Variants in NRP2 observed in about 807,000 individuals in gnomAD.
NRP2 encodes the protein neuropilin 2.
In NRP2, 52 loss-of-function variants were observed where a neutral mutation model predicts 110.4. The ratio of observed to expected loss-of-function variants is 0.47; its 90% CI spans 0.38 to 0.59. NRP2 has a LOEUF of 0.59. Ranked by LOEUF, NRP2 falls within the 20% of genes least tolerant of loss-of-function variation. The pLI is 0.00. For missense variants in NRP2, 1,049 were observed against 1,203.0 expected (o/e 0.87, Z 1.89); for synonymous variants, 508 against 468.9 (o/e 1.08, Z -1.08).
intron 15 of NRP2, chr2:205,776,708 T>C: frequency 6.7e-7 from 1 of 1,490,172 alleles, no homozygotes; most frequent in Non-Finnish European, 8.9e-7. Flanking sequence ...TTTTGGTTTC[T>C]GGTTTTTCTT....
intron 2 of NRP2, among the ~76,000 whole-genome samples, chr2:205,714,491 G>A (rs1287056279): frequency 6.6e-6 from 1 of 152,232 alleles, no homozygotes; most frequent in Non-Finnish European, 1.5e-5. Flanking sequence ...AAAATAGCAC[G>A]GAGGGGTTTT....
chr2:205,746,250 G>A (rs2057537223), intron 10 of NRP2, among the ~76,000 whole-genome samples: 1 of 152,208 alleles, frequency 6.6e-6, no homozygotes, highest in African/African-American at 2.4e-5. Flanking sequence ...TGATAATAAA[G>A]TAATCGGTTT....
chr2:205,710,817 G>A (rs890580664), intron 2 of NRP2, among the ~76,000 whole-genome samples: 2 of 152,186 alleles, frequency 1.3e-5, no homozygotes, highest in African/African-American at 4.8e-5. Flanking sequence ...GAGCCTCCTG[G>A]AAGAAAGGCA....
At chr2:205,770,953 CT>C (rs1250351529) in intron 15 of NRP2, among the ~76,000 whole-genome samples, 2 of 152,218 alleles carry the variant, frequency 1.3e-5, no homozygotes, top group African/African-American at 4.8e-5. Context: ...GACACGTCCC[CT>C]CTCCATCAGT....
chr2:205,753,639 G>A (rs981879924), intron 12 of NRP2, among the ~76,000 whole-genome samples: 9 of 152,220 alleles, frequency 5.9e-5, no homozygotes, highest in African/African-American at 1.4e-4. Flanking sequence ...TAAACAGGTA[G>A]CAAGAGTTGT....
intron 5 of NRP2, 80 bp downstream of exon 5, chr2:205,724,020 C>A (rs1016053269): frequency 6.6e-7 from 1 of 1,510,432 alleles, no homozygotes; most frequent in African/African-American, 1.4e-5. Context: ...GGGCTGAGCT[C>A]TTATGAGGGA....
At chr2:205,737,772 A>G (rs1287810879) in intron 7 of NRP2, among the ~76,000 whole-genome samples, 1 of 152,206 alleles carries the variant, frequency 6.6e-6, no homozygotes, top group African/African-American at 2.4e-5. Context: ...CTGAAGTTCA[A>G]TTGAAGCAGT....
At chr2:205,788,156 C>G (rs1049203213) in intron 15 of NRP2, among the ~76,000 whole-genome samples, 1 of 152,058 alleles carries the variant, frequency 6.6e-6, no homozygotes, top group Non-Finnish European at 1.5e-5. Context: ...CATGCCTCAC[C>G]GTGTACCTAC....
chr2:205,767,008 T>C, intron 15 of NRP2: 1 of 615,762 alleles, frequency 1.6e-6, no homozygotes, highest in South Asian at 2.0e-5. Flanking sequence ...GTCTCTTGTT[T>C]AATTAAAGTT....
intron 15 of NRP2, among the ~76,000 whole-genome samples, chr2:205,772,327 C>T (rs553752490): frequency 5.1e-4 from 78 of 152,338 alleles, no homozygotes; most frequent in African/African-American, 1.4e-3. Flanking sequence ...CGGAACACTA[C>T]CTCATGTGTA....
intron 7 of NRP2, among the ~76,000 whole-genome samples, chr2:205,733,633 C>T (rs1559334940): frequency 6.6e-6 from 1 of 152,114 alleles, no homozygotes. Context: ...AAAACCCAAA[C>T]ATCTGTGTTA....
chr2:205,744,320 G>A (rs1471386872), intron 9 of NRP2, among the ~76,000 whole-genome samples: 1 of 152,206 alleles, frequency 6.6e-6, no homozygotes, highest in South Asian at 2.1e-4. Context: ...GGTTTTTGGA[G>A]GCCAAGCTAT....
chr2:205,785,834 T>TAA (rs1274533877), intron 15 of NRP2, among the ~76,000 whole-genome samples: 4 of 152,230 alleles, frequency 2.6e-5, no homozygotes, highest in Non-Finnish European at 4.4e-5. Flanking sequence ...GTTATTCAAC[T>TAA]AAAAATAATA....
chr2:205,718,276 C>A (rs958145588), intron 3 of NRP2, among the ~76,000 whole-genome samples: 1 of 152,220 alleles, frequency 6.6e-6, no homozygotes, highest in African/African-American at 2.4e-5. Flanking sequence ...AGTCAATGTT[C>A]ACTCTATCCA....
chr2:205,744,853 T>C (rs144416356), intron 9 of NRP2, among the ~76,000 whole-genome samples: 380 of 152,312 alleles, frequency 2.5e-3, no homozygotes, highest in Middle Eastern at 0.014. Flanking sequence ...GGAGCAGAAG[T>C]TGGACCGCAG....
intron 10 of NRP2, 105 bp downstream of exon 10, chr2:205,745,995 G>A: frequency 7.7e-7 from 1 of 1,290,646 alleles, no homozygotes; most frequent in Non-Finnish European, 1.1e-6. Flanking sequence ...CATCCCAGGA[G>A]CTGGAAATGC....
chr2:205,696,246 G>GA (rs2056423442), intron 1 of NRP2, among the ~76,000 whole-genome samples: 1 of 152,196 alleles, frequency 6.6e-6, no homozygotes, highest in Non-Finnish European at 1.5e-5. Flanking sequence ...CAGACATGGG[G>GA]AATAGTAAAG....
chr2:205,767,345 T>C, intron 15 of NRP2: 2 of 493,700 alleles, frequency 4.1e-6, no homozygotes, highest in South Asian at 3.0e-5. Context: ...GGCAGGCTGC[T>C]TGTAAGAGAA....
chr2:205,769,561 GTGAGTCAGTAA>G (rs2057986603), intron 15 of NRP2, among the ~76,000 whole-genome samples: 1 of 151,058 alleles, frequency 6.6e-6, no homozygotes, highest in African/African-American at 2.4e-5. Flanking sequence ...GTGCCAGGAT[GTGAGTCAGTAA>G]TGAAGAAAAG....
Sources: allele counts gnomAD v4.1 joint callset (sites outside exome capture counted in the v4.1 genomes callset), GRCh38; gene constraint gnomAD v4.1.1; transcripts MANE v1.5; gene names NCBI Gene and HGNC (gene_info 2026-07-23, HGNC 2026-07-21).